RARB: variants seen among roughly 807,000 people sequenced by gnomAD.
RARB encodes the protein HBV-activated protein.
A neutral mutation model predicts 51.9 loss-of-function variants in RARB; 17 were observed. The observed-to-expected ratio is 0.33, with a 90% CI of 0.22 to 0.49. The LOEUF (loss-of-function observed/expected upper bound fraction) is 0.49. Among genes scored for constraint, RARB ranks in the 20% least tolerant of loss-of-function variants. The pLI, the probability that RARB is intolerant of heterozygous loss-of-function variation, is 0.99. For missense variants in RARB, 369 were observed against 550.8 expected (o/e 0.67, Z 3.30); for synonymous variants, 215 against 195.4 (o/e 1.10, Z -0.84).
intron 2 of RARB, among the ~76,000 whole-genome samples, chr3:24,993,509 TATTG>T (rs1696957165): frequency 1.3e-5 from 2 of 152,306 alleles, no homozygotes; most frequent in African/African-American, 4.8e-5. Context: ...TTATCTGAAA[TATTG>T]ACTATGTTGG....
chr3:24,968,381 C>A (rs773354157), intron 2 of RARB, among the ~76,000 whole-genome samples: 2 of 152,044 alleles, frequency 1.3e-5, no homozygotes, highest in Non-Finnish European at 2.9e-5. Flanking sequence ...AAATAACATA[C>A]TTTTCTTTTG....
intron 2 of RARB, among the ~76,000 whole-genome samples, chr3:24,887,014 C>A (rs1057219963): frequency 3.9e-5 from 6 of 152,164 alleles, no homozygotes; most frequent in Non-Finnish European, 7.4e-5. Context: ...AGATAAGAAC[C>A]ATAGACTTAC....
intron 2 of RARB, among the ~76,000 whole-genome samples, chr3:24,963,600 A>G (rs567374554): frequency 6.6e-6 from 1 of 151,948 alleles, no homozygotes; most frequent in East Asian, 1.9e-4. Flanking sequence ...TGAAAAACCT[A>G]CTGGCCTTGG....
chr3:24,861,936 T>C (rs78114081), intron 2 of RARB, among the ~76,000 whole-genome samples: 1 of 152,200 alleles, frequency 6.6e-6, no homozygotes, highest in East Asian at 1.9e-4. Context: ...GGACAAGGTA[T>C]GTATAATTCC....
intron 2 of RARB, among the ~76,000 whole-genome samples, chr3:24,891,043 T>G (rs1703367859): frequency 6.6e-6 from 1 of 152,192 alleles, no homozygotes; most frequent in Non-Finnish European, 1.5e-5. Flanking sequence ...AACATACATG[T>G]GGAAAAGCTC....
At chr3:25,235,818 T>C (rs529911099) in intron 5 of RARB, among the ~76,000 whole-genome samples, 109 of 152,250 alleles carry the variant, frequency 7.2e-4, no homozygotes, top group Middle Eastern at 6.8e-3. Context: ...AAAATAGAAA[T>C]AGAAATGTCA....
At chr3:24,882,996 C>G (rs1376298442) in intron 2 of RARB, among the ~76,000 whole-genome samples, 3 of 152,046 alleles carry the variant, frequency 2.0e-5, no homozygotes, top group African/African-American at 7.2e-5. Flanking sequence ...TGTGATGCCT[C>G]AAACTGCGTG....
At chr3:25,361,710 G>C (rs1439739829) in intron 5 of RARB, among the ~76,000 whole-genome samples, 1 of 152,168 alleles carries the variant, frequency 6.6e-6, no homozygotes, top group Non-Finnish European at 1.5e-5. Context: ...CTTTCTGTTT[G>C]TTAGTTTTCT....
chr3:25,558,540 T>A (rs949857572), intron 3 of RARB, among the ~76,000 whole-genome samples: 1 of 151,520 alleles, frequency 6.6e-6, no homozygotes, highest in East Asian at 1.9e-4. Context: ...TTTTTTTTTT[T>A]TTTTTTTTAT....
intron 2 of RARB, chr3:25,462,477 A>G (rs1464820954): frequency 1.3e-5 from 2 of 152,180 alleles, no homozygotes; most frequent in African/African-American, 4.8e-5. Flanking sequence ...AAATTGCATG[A>G]TTCATTTGTA....
At chr3:25,179,657 A>C (rs1700823482) in intron 5 of RARB, among the ~76,000 whole-genome samples, 1 of 152,138 alleles carries the variant, frequency 6.6e-6, no homozygotes, top group Non-Finnish European at 1.5e-5. Flanking sequence ...AAAGGCTTTG[A>C]ATGTTTGAGA....
intron 1 of RARB, among the ~76,000 whole-genome samples, chr3:25,442,491 C>T (rs1257737532): frequency 1.3e-5 from 2 of 152,174 alleles, no homozygotes; most frequent in Admixed American, 1.3e-4. Context: ...CTAGTGGCTA[C>T]TGTATTAAAC....
chr3:25,260,560 C>T (rs1479123124), intron 5 of RARB, among the ~76,000 whole-genome samples: 1 of 152,054 alleles, frequency 6.6e-6, no homozygotes, highest in Admixed American at 6.6e-5. Flanking sequence ...GGAGTAGAAA[C>T]AAATCAGAAT....
At chr3:25,453,434 A>T (rs576398577) in intron 1 of RARB, among the ~76,000 whole-genome samples, 2 of 151,760 alleles carry the variant, frequency 1.3e-5, no homozygotes, top group Non-Finnish European at 2.9e-5. Flanking sequence ...TTTAGTAGAG[A>T]TGGGGTTTCT....
intron 2 of RARB, among the ~76,000 whole-genome samples, chr3:24,971,002 C>T (rs894088487): frequency 6.6e-6 from 1 of 151,954 alleles, no homozygotes; most frequent in African/African-American, 2.4e-5. Context: ...CATCTTGGTG[C>T]TCCCAGTATC....
At chr3:24,876,981 TAAG>T (rs1321141736) in intron 2 of RARB, among the ~76,000 whole-genome samples, 1 of 152,160 alleles carries the variant, frequency 6.6e-6, no homozygotes, top group Non-Finnish European at 1.5e-5. Flanking sequence ...GGAATATTAA[TAAG>T]AACACTTAGG....
chr3:25,221,937 T>C (rs1015544695), intron 5 of RARB, among the ~76,000 whole-genome samples: 1 of 152,168 alleles, frequency 6.6e-6, no homozygotes, highest in Non-Finnish European at 1.5e-5. Flanking sequence ...AAGAACATCT[T>C]GACATTACTA....
intron 5 of RARB, among the ~76,000 whole-genome samples, chr3:25,249,565 A>C (rs183401983): frequency 2.5e-4 from 38 of 149,884 alleles, no homozygotes; most frequent in African/African-American, 9.2e-4. Flanking sequence ...TGCTTCTTTC[A>C]ATTTTTTTTA....
At chr3:25,119,071 C>A (rs939578976) in intron 3 of RARB, among the ~76,000 whole-genome samples, 3 of 152,004 alleles carry the variant, frequency 2.0e-5, no homozygotes, top group Admixed American at 1.3e-4. Context: ...GATGTTTAAG[C>A]CTAGGAACAG....
Sources: allele counts gnomAD v4.1 joint callset (sites outside exome capture counted in the v4.1 genomes callset), GRCh38; gene constraint gnomAD v4.1.1; transcripts MANE v1.5; gene names NCBI Gene and HGNC (gene_info 2026-07-23, HGNC 2026-07-21).